Variants in ELN observed in about 807,000 individuals in gnomAD.
The protein encoded by ELN is elastin.
In ELN, 65 loss-of-function variants were observed where a neutral mutation model predicts 105.8. The observed-to-expected ratio is 0.61, with a 90% CI of 0.50 to 0.75. The LOEUF is 0.75. Ranked by LOEUF, ELN falls within the 30% of genes least tolerant of loss-of-function variation. ELN has a pLI of 0.00. For missense variants in ELN, 882 were observed against 969.4 expected, an observed-to-expected ratio of 0.91 and a Z score of 1.20; for synonymous variants, 368 against 389.2, an observed-to-expected ratio of 0.95 and a Z score of 0.64.
intron 21 of ELN, 193 bp from the exon 22 acceptor site, chr7:74,057,447 C>T: frequency 6.5e-7 from 1 of 1,537,298 alleles, no homozygotes; most frequent in Non-Finnish European, 8.7e-7. Context: ...CCCAGGTGTG[C>T]CGGGCACGGG....
chr7:74,058,265 C>T (rs1563846259), intron 22 of ELN, among the ~76,000 whole-genome samples: 1 of 16,952 alleles, frequency 5.9e-5, no homozygotes, highest in Non-Finnish European at 1.1e-4. Flanking sequence ...CTTCTTTCTC[C>T]TTCTTCTTCT....
chr7:74,043,305 C>G, intron 8 of ELN, 137 bp downstream of exon 8: 1 of 1,297,366 alleles, frequency 7.7e-7, no homozygotes, highest in Admixed American at 2.0e-5. Flanking sequence ...AGAAACTAGC[C>G]AGGCTGGTGC....
At chr7:74,059,676 T>C in intron 22 of ELN, 1 of 637,066 alleles carries the variant, frequency 1.6e-6, no homozygotes, top group Non-Finnish European at 2.8e-6. Context: ...AGAGTGAGAC[T>C]CTGTCTCCAA....
At chr7:74,040,306 C>T (rs374783254) in intron 4 of ELN, among the ~76,000 whole-genome samples, 12 of 152,200 alleles carry the variant, frequency 7.9e-5, no homozygotes, top group African/African-American at 2.7e-4. Context: ...GGGTCTGGCC[C>T]GGGTGCTGGG....
chr7:74,052,235 C>T, intron 17 of ELN: 1 of 554,926 alleles, frequency 1.8e-6, no homozygotes, highest in South Asian at 2.0e-5. Context: ...CCTCCAGGGC[C>T]AGCCCACAGG....
chr7:74,037,853 G>C lies in ELN; in HGVS notation c.196+114G>C. The C allele has an allele frequency of 3.4e-6, 5 of 1,476,880 alleles. No individual in the cohort carries two copies. The South Asian group carries it at 4.8e-5, about 14-fold the overall frequency. The allele number at this position is 1,476,880 out of a possible 1,614,324, so 91.5% of individuals were successfully genotyped here. On this transcript the variant is annotated intron_variant, in intron 4 of 32. Transcript: ENST00000252034. Reference sequence around the variant, plus strand: ...AGGAACAGGACAAGGAAGCCAACGGGCAGGAGGAAGGAGGGAGGTGTGGAC... The same window carrying C: ...AGGAACAGGACAAGGAAGCCAACGGCCAGGAGGAAGGAGGGAGGTGTGGAC...
In ELN at chr7:74,063,001, A is replaced by G; in HGVS notation, c.1787-152A>G. On this transcript the variant is annotated intron_variant, in intron 26 of 32. Coordinates refer to ENST00000252034, the MANE Select transcript of ELN (RefSeq NM_000501.4). This position sits in a 1 kb window ranked among gnomAD's most constrained non-coding sequence, Gnocchi z 4.1. ...GGGTGACAGAGCAAAACCCCATCTC[A>G]AAATGAAACAAAATATGGACTGGAC... 9.5e-7 allele frequency: 1 copy of G among 1,047,258 alleles called. No individual in the cohort carries two copies. Among genetic ancestry groups the G allele is most frequent in the East Asian group, 2.6e-5 (1 of 38,164 alleles). 64.9% of individuals were successfully genotyped at this position (1,047,258 alleles called of 1,614,324 possible). A position where few individuals can be genotyped will look rare whatever the true frequency, so the allele number is the denominator to read the frequency against.
At chr7:74,033,158 A>G (rs2131043263) in intron 1 of ELN, among the ~76,000 whole-genome samples, 1 of 152,358 alleles carries the variant, frequency 6.6e-6, no homozygotes, top group Admixed American at 6.5e-5. Flanking sequence ...AGAGAGGTTG[A>G]GTGACTTTCC....
rs781898146 is a variant in ELN, at chr7:74,060,068, A to G, written c.1576+21A>G. On this transcript the variant is annotated intron_variant, in intron 23 of 32. Coordinates refer to ENST00000252034, the MANE Select transcript of ELN (RefSeq NM_000501.4). ...TGCAGGTGAGTTTCATGAGTCAATGAGCCTGAGGGGCCCCCGAAGCCTCCA... is the reference window on the plus strand; with the variant it reads ...TGCAGGTGAGTTTCATGAGTCAATGGGCCTGAGGGGCCCCCGAAGCCTCCA... 1.9e-5 allele frequency: 30 copies of G among 1,613,976 alleles called. No homozygotes were observed. The African/African-American group carries it at 3.6e-4, about 19-fold the overall frequency.
rs1795207933 is a variant in ELN, at chr7:74,056,314, G to A, written c.1194G>A (p.Gly398=). 3 of 1,612,828 alleles carry A rather than the reference G, an allele frequency of 1.9e-6. No homozygotes were observed. Among genetic ancestry groups the A allele is most frequent in the Non-Finnish European group, 2.5e-6 (3 of 1,178,912 alleles). The change falls in exon 20 of 33, where the codon GGG becomes GGA. Residue 398 remains glycine, a synonymous_variant. Coordinates refer to ENST00000252034, the MANE Select transcript of ELN (RefSeq NM_000501.4). The part of the protein sequence containing the change: ...GVGVGGIPTY[G]VGAGGFPGFG... ...GAGTTGGAGGCATTCCTACTTACGG[G>A]GTTGGAGCTGGGGGCTTTCCCGGCT...
intron 26 of ELN, chr7:74,062,121 C>T: frequency 6.6e-6 from 1 of 152,440 alleles, no homozygotes; most frequent in Non-Finnish European, 1.5e-5. Flanking sequence ...GAATTCCTGG[C>T]CTCCTGTGAG....
At position 74,045,349 on chromosome 7, in the gene ELN, G is replaced by A; in HGVS notation, c.541+56G>A. 2.5e-6 allele frequency: 4 copies of A among 1,601,186 alleles called. No homozygotes were observed. The Middle Eastern group carries it at 5.0e-4, about 199-fold the overall frequency. ...GCAGGGACTCTCCAACCACCTTCTG[G>A]CCCCGGGTGTGAAATGGGGTGGGAT... On this transcript the variant is annotated intron_variant, in intron 10 of 32. Coordinates refer to ENST00000252034, the MANE Select transcript of ELN (RefSeq NM_000501.4).
rs1412123803 is a variant in ELN, at chr7:74,036,582, G to T, written c.161G>T (p.Gly54Val). 1 of 1,614,134 alleles carries T rather than the reference G, an allele frequency of 6.2e-7. No homozygotes were observed. Among genetic ancestry groups the T allele is most frequent in the Non-Finnish European group, 8.5e-7 (1 of 1,180,040 alleles). The part of the protein sequence containing the change: ...PGAGLGALGG[G>V]ALGPGGKPLK... ...GCTGGTCTCGGAGCCCTTGGAGGAG[G>T]AGGTGAGCTCAGAAACCACACTTGT... The change falls in exon 3 of 33, where the codon GGA (glycine) becomes GTA (valine). Residue 54 changes from glycine to valine, a missense_variant and splice_region_variant. Gly to Val is a moderately radical substitution (Grantham distance 109). Coordinates refer to ENST00000252034, the MANE Select transcript of ELN (RefSeq NM_000501.4).
intron 32 of ELN, 61 bp from the exon 33 acceptor site, chr7:74,068,596 G>A (rs111476510): frequency 6.8e-6 from 11 of 1,605,974 alleles, no homozygotes; most frequent in Non-Finnish European, 9.4e-6. Flanking sequence ...GAGCAGGCGG[G>A]GATTAGAGCC....
intron 11 of ELN, 168 bp from the exon 12 acceptor site, chr7:74,046,528 C>G (rs1486135493): frequency 6.4e-6 from 5 of 779,128 alleles, no homozygotes; most frequent in East Asian, 2.7e-5. Flanking sequence ...TGGCCTGTCA[C>G]TGGGAATTTC....
chr7:74,046,122 C>A (rs1792447071), intron 10 of ELN, 66 bp from the exon 11 acceptor site: 2 of 1,611,058 alleles, frequency 1.2e-6, no homozygotes, highest in African/African-American at 2.7e-5. Context: ...CCTCCTGGCC[C>A]CTTGGTGCTG....
At chr7:74,035,811 C>T (rs1041525573) in intron 2 of ELN, 25 of 322,082 alleles carry the variant, frequency 7.8e-5, no homozygotes, top group Non-Finnish European at 1.3e-4. Context: ...TAGTGGTGCA[C>T]GCCTGTAGTC....
chr7:74,040,633 G>A (rs1790988261), intron 4 of ELN, among the ~76,000 whole-genome samples: 1 of 152,170 alleles, frequency 6.6e-6, no homozygotes, highest in Non-Finnish European at 1.5e-5. Context: ...CATTGGTCCT[G>A]GCCAAGGCAG....
At chr7:74,060,275 T>C in intron 24 of ELN, 91 bp downstream of exon 24, 1 of 1,613,814 alleles carries the variant, frequency 6.2e-7, no homozygotes. Flanking sequence ...TGCTTGGATC[T>C]GGGCCCCTTC....
Sources: gnomAD v4.1 joint callset for allele counts (sites outside exome capture counted in the v4.1 genomes callset) on GRCh38, gnomAD v4.1.1 for gene constraint, Gnocchi (gnomAD v3.1) non-coding constraint, MANE v1.5 for transcripts, NCBI Gene and HGNC (gene_info 2026-07-23, HGNC 2026-07-21) for gene names.